The following TAMM41 variants were observed in gnomAD, a reference collection of about 807,000 sequenced individuals.
The protein encoded by TAMM41 is TAM41 mitochondrial translocator assembly and maintenance homolog, also known as phosphatidate cytidylyltransferase, mitochondrial.
TAMM41 carries 36 observed loss-of-function variants against 44.1 expected under a neutral mutation model. The observed-to-expected ratio is 0.82, with a 90% CI of 0.63 to 1.08. The LOEUF is 1.08. Ranked by LOEUF, TAMM41 falls within the 50% of genes least tolerant of loss-of-function variation. TAMM41 has a pLI of 0.00. For missense variants in TAMM41, 417 were observed against 404.3 expected, an observed-to-expected ratio of 1.03 and a Z score of -0.27; for synonymous variants, 164 against 153.1, an observed-to-expected ratio of 1.07 and a Z score of -0.53.
the TAMM41 span, among the ~76,000 whole-genome samples, chr3:11,767,164 G>A: frequency 6.6e-6 from 1 of 152,144 alleles, no homozygotes; most frequent in Admixed American, 6.6e-5. Context: ...CGCCCTCTGG[G>A]TTCAAGCAAT....
At chr3:11,832,976 A>C in intron 3 of TAMM41, 1 of 1,019,284 alleles carries the variant, frequency 9.8e-7, no homozygotes, top group South Asian at 3.5e-5. Flanking sequence ...TTTAAGATTA[A>C]GAGGATGAAA....
chr3:11,729,501 TTTTC>T, the TAMM41 span, among the ~76,000 whole-genome samples: 91 of 147,460 alleles, frequency 6.2e-4, 1 homozygote, highest in Non-Finnish European at 7.6e-4. Context: ...TACCCTGTCT[TTTTC>T]TTTCTTTCTT....
At chr3:11,732,008 A>G in the TAMM41 span, among the ~76,000 whole-genome samples, 2 of 151,904 alleles carry the variant, frequency 1.3e-5, no homozygotes, top group Non-Finnish European at 2.9e-5. Context: ...CTGGTATTAC[A>G]AGCATGCATC....
At chr3:11,786,549 C>T (rs373300761), downstream of TAMM41, among the ~76,000 whole-genome samples, 2 of 151,904 alleles carry the variant, frequency 1.3e-5, no homozygotes, top group Non-Finnish European at 2.9e-5. Context: ...GTGATCCACC[C>T]GCCTCAGCCT....
intron 3 of TAMM41, among the ~76,000 whole-genome samples, chr3:11,832,332 G>A (rs1331025647): frequency 1.3e-5 from 2 of 151,734 alleles, no homozygotes; most frequent in Non-Finnish European, 2.9e-5. Flanking sequence ...TGAATTTGCT[G>A]CCACATGCCA....
the TAMM41 span, among the ~76,000 whole-genome samples, chr3:11,746,623 C>A: frequency 6.7e-6 from 1 of 149,056 alleles, no homozygotes; most frequent in Non-Finnish European, 1.5e-5. Flanking sequence ...GCTATATATT[C>A]TAGGATTGCT....
At chr3:11,746,830 C>G in the TAMM41 span, among the ~76,000 whole-genome samples, 4 of 145,728 alleles carry the variant, frequency 2.7e-5, no homozygotes, top group African/African-American at 1.1e-4. Context: ...GAGACAGGGT[C>G]TCAGTATGTT....
At chr3:11,793,744 G>T (rs1205624164) in intron 7 of TAMM41, among the ~76,000 whole-genome samples, 1 of 152,126 alleles carries the variant, frequency 6.6e-6, no homozygotes, top group Admixed American at 6.5e-5. Flanking sequence ...GCTTATACAT[G>T]GTTAAAAAAT....
chr3:11,780,994 C>T, the TAMM41 span, among the ~76,000 whole-genome samples: 1 of 152,148 alleles, frequency 6.6e-6, no homozygotes, highest in African/African-American at 2.4e-5. Flanking sequence ...TGAGGCAGCA[C>T]CACAGCACCG....
the TAMM41 span, among the ~76,000 whole-genome samples, chr3:11,729,494 CCTGT>C: frequency 3.4e-5 from 5 of 145,852 alleles, no homozygotes; most frequent in Non-Finnish European, 6.0e-5. Flanking sequence ...GCCCTGTTAC[CCTGT>C]CTTTTTCTTT....
the TAMM41 span, among the ~76,000 whole-genome samples, chr3:11,747,541 G>A: frequency 6.6e-6 from 1 of 152,052 alleles, no homozygotes; most frequent in Non-Finnish European, 1.5e-5. Context: ...GGCCGAGGTG[G>A]GATGATTGCT....
chr3:11,809,696 A>G lies in TAMM41; in HGVS notation c.709-14T>C. On this transcript the variant is annotated splice_polypyrimidine_tract_variant and intron_variant, in intron 5 of 7. Transcript: ENST00000455809. ...GCTTTTATCTATCTGAAGGGAGGAA[A>G]AAAAAGACGACGTCTATGGAAGTGC... 6.3e-7 allele frequency: 1 copy of G among 1,590,002 alleles called. No homozygotes were observed.
intron 5 of TAMM41, chr3:11,816,953 C>G (rs2078303739): frequency 4.5e-6 from 2 of 439,646 alleles, no homozygotes; most frequent in South Asian, 1.4e-4. Context: ...TATACATGGT[C>G]AAAACAAGTC....
At chr3:11,829,040 G>T (rs2078875419) in intron 4 of TAMM41, among the ~76,000 whole-genome samples, 3 of 152,154 alleles carry the variant, frequency 2.0e-5, no homozygotes, top group African/African-American at 4.8e-5. Flanking sequence ...TCCTCTGGTT[G>T]CAGCGAGGGT....
chr3:11,839,772 A>G (rs1475239850), intron 2 of TAMM41, among the ~76,000 whole-genome samples: 1 of 152,230 alleles, frequency 6.6e-6, no homozygotes, highest in Non-Finnish European at 1.5e-5. Flanking sequence ...ATGAAAGTCC[A>G]CAAGATTAGG....
intron 3 of TAMM41, among the ~76,000 whole-genome samples, chr3:11,832,684 A>T (rs993618004): frequency 6.6e-6 from 1 of 152,142 alleles, no homozygotes; most frequent in Non-Finnish European, 1.5e-5. Flanking sequence ...CAGTCCCAGG[A>T]TTCACCCAGT....
chr3:11,737,982 A>T, the TAMM41 span, among the ~76,000 whole-genome samples: 1 of 152,164 alleles, frequency 6.6e-6, no homozygotes, highest in African/African-American at 2.4e-5. Context: ...CACAAATGAA[A>T]ACTGCTGCTG....
downstream of TAMM41, among the ~76,000 whole-genome samples, chr3:11,789,616 C>T (rs1470445318): frequency 6.6e-6 from 1 of 152,150 alleles, no homozygotes; most frequent in African/African-American, 2.4e-5. Context: ...CAGCTTAGTT[C>T]CATCCTTTGT....
At chr3:11,748,155 G>A in the TAMM41 span, among the ~76,000 whole-genome samples, 2 of 151,964 alleles carry the variant, frequency 1.3e-5, no homozygotes, top group African/African-American at 2.4e-5. Flanking sequence ...GATTACAGGC[G>A]GGAGCCACCA....
Sources: gnomAD v4.1 joint callset for allele counts (sites outside exome capture counted in the v4.1 genomes callset) on GRCh38, gnomAD v4.1.1 for gene constraint, MANE v1.5 for transcripts, NCBI Gene and HGNC (gene_info 2026-07-23, HGNC 2026-07-21) for gene names.